CRTAC1: variants seen among roughly 807,000 people sequenced by gnomAD.
The protein encoded by CRTAC1 is cartilage acidic protein 1, also known as acidic secreted protein in cartilage.
In CRTAC1, 37 loss-of-function variants were observed where a neutral mutation model predicts 67.8. That is an observed-to-expected ratio of 0.55 (90% CI 0.42 to 0.72). The LOEUF (loss-of-function observed/expected upper bound fraction) is 0.72, where lower values mean the gene tolerates loss of function less well. Among genes scored for constraint, CRTAC1 ranks in the 30% least tolerant of loss-of-function variants. CRTAC1 has a pLI of 0.00. For missense variants in CRTAC1, 780 were observed against 931.6 expected (o/e 0.84, Z 2.12); for synonymous variants, 348 against 371.0 (o/e 0.94, Z 0.71).
At position 97,879,658 on chromosome 10, in the gene CRTAC1, T is replaced by G. The variant is rs1488366934; in HGVS notation, c.1819+591A>C. 4.6e-6 allele frequency: 7 copies of G among 1,531,438 alleles called. No homozygotes were observed. The Admixed American group carries it at 1.1e-4, about 24-fold the overall frequency. 94.9% of individuals were successfully genotyped at this position (1,531,438 alleles called of 1,614,324 possible). A position where few individuals can be genotyped will look rare whatever the true frequency, so the allele number is the denominator to read the frequency against. On this transcript the variant is annotated intron_variant, in intron 14 of 14. Coordinates refer to ENST00000370597, the MANE Select transcript of CRTAC1 (RefSeq NM_018058.7). ...TTCCACAAAGGCTGTTAGTTTTGTTTTGTTTTTTCCTTTATTGATGGGATT... is the reference window on the plus strand; with the variant it reads ...TTCCACAAAGGCTGTTAGTTTTGTTGTGTTTTTTCCTTTATTGATGGGATT...
chr10:97,920,494 A>G (rs11189432), intron 4 of CRTAC1, among the ~76,000 whole-genome samples: 11,012 of 151,852 alleles, frequency 0.073, 508 homozygotes, highest in African/African-American at 0.12. Context: ...GGGCTTGTTA[A>G]AACACAGATT....
chr10:98,022,931 C>A (rs1215811271), intron 1 of CRTAC1, among the ~76,000 whole-genome samples: 4 of 152,056 alleles, frequency 2.6e-5, no homozygotes, highest in Non-Finnish European at 5.9e-5. Flanking sequence ...CTTTTCCAGG[C>A]CTAATAGTTT....
rs578127811 is a variant in CRTAC1 at position 97,894,606 on chromosome 10, C to A, written c.1486+639G>T. Among the ~76,000 whole-genome samples, 12 of 149,042 alleles carry A rather than the reference C, an allele frequency of 8.1e-5. No individual in the cohort carries two copies. In the East Asian group the frequency reaches 2.4e-3, roughly 30 times the overall value. The stretch of plus-strand genomic sequence containing the variant: ...AGAGATGAGGTTTCGCCATGTTGCC[C>A]AGGCTAGTCTCGAACTCTTGAGCTC... On this transcript the variant is annotated intron_variant, in intron 11 of 14. Transcript: ENST00000370597.
chr10:97,971,009 GA>G (rs1301095514), intron 2 of CRTAC1, among the ~76,000 whole-genome samples: 4 of 152,230 alleles, frequency 2.6e-5, no homozygotes, highest in Admixed American at 2.6e-4. Flanking sequence ...CATTAGGAAT[GA>G]TCAAAGAAGT....
intron 2 of CRTAC1, among the ~76,000 whole-genome samples, chr10:98,001,244 C>A (rs1328645709): frequency 6.6e-6 from 1 of 151,878 alleles, no homozygotes; most frequent in Non-Finnish European, 1.5e-5. Context: ...TATTAATAGG[C>A]CAAGCAGAAA....
chr10:97,867,953 G>C (rs552236524), intron 14 of CRTAC1: 1 of 152,270 alleles, frequency 6.6e-6, no homozygotes. Context: ...AGCCTTGGGT[G>C]GGGGAACAGG....
chr10:97,915,725 G>A (rs1034652230), intron 5 of CRTAC1, among the ~76,000 whole-genome samples: 11 of 152,270 alleles, frequency 7.2e-5, no homozygotes, highest in Non-Finnish European at 1.5e-4. Flanking sequence ...GGGGCTTGGC[G>A]GGCAGGGAAA....
At chr10:98,013,815 G>T (rs1842951362) in intron 1 of CRTAC1, among the ~76,000 whole-genome samples, 1 of 152,200 alleles carries the variant, frequency 6.6e-6, no homozygotes, top group Admixed American at 6.5e-5. Flanking sequence ...TTTCAGCAGG[G>T]TTCTACAGTA....
chr10:97,969,992 G>A (rs1044510503), intron 2 of CRTAC1, among the ~76,000 whole-genome samples: 6 of 152,140 alleles, frequency 3.9e-5, no homozygotes, highest in Non-Finnish European at 8.8e-5. Flanking sequence ...GCTCTTGAAT[G>A]TTTAATAGAT....
rs929506583 is a variant in CRTAC1 at position 98,029,135 on chromosome 10, T to A, written c.24+1314A>T. 1.3e-5 allele frequency among the ~76,000 whole-genome samples: 2 copies of A among 152,098 alleles called. No homozygotes were observed. The highest frequency in any genetic ancestry group is 4.8e-5 in the African/African-American group (2 of 41,408). On this transcript the variant is annotated intron_variant, in intron 1 of 14. Coordinates refer to ENST00000370597, the MANE Select transcript of CRTAC1 (RefSeq NM_018058.7). This position sits in a 1 kb window ranked among gnomAD's most constrained non-coding sequence, Gnocchi z 4.7. ...AACCATGCTGGAACAGCCACCATGTTCCCACTTTTCCAGCCTCCACCTCTC... is the reference window on the plus strand; with the variant it reads ...AACCATGCTGGAACAGCCACCATGTACCCACTTTTCCAGCCTCCACCTCTC...
intron 2 of CRTAC1, among the ~76,000 whole-genome samples, chr10:97,959,960 C>A (rs868694802): frequency 6.6e-6 from 1 of 152,212 alleles, no homozygotes; most frequent in Non-Finnish European, 1.5e-5. Flanking sequence ...GACTCAGTGC[C>A]CAGGGTTTTT....
At chr10:98,008,393 A>C in intron 2 of CRTAC1, among the ~76,000 whole-genome samples, 1 of 131,520 alleles carries the variant, frequency 7.6e-6, no homozygotes, top group Non-Finnish European at 1.6e-5. Flanking sequence ...TCCATCTGGA[A>C]CCATGGGAAA....
chr10:97,908,232 G>A, intron 5 of CRTAC1, 85 bp from the exon 6 acceptor site: 2 of 1,461,822 alleles, frequency 1.4e-6, no homozygotes, highest in Non-Finnish European at 1.9e-6. Flanking sequence ...AGGCCTGAGG[G>A]GAACTGCAGC....
intron 14 of CRTAC1, chr10:97,878,442 G>T: frequency 3.0e-6 from 1 of 336,198 alleles, no homozygotes; most frequent in Non-Finnish European, 4.8e-6. Context: ...ATCAGAAAAT[G>T]GCAGGGGCTT....
chr10:98,024,645 C>T (rs1342769282), intron 1 of CRTAC1, among the ~76,000 whole-genome samples: 1 of 150,024 alleles, frequency 6.7e-6, no homozygotes, highest in African/African-American at 2.4e-5. Context: ...CTTACAAAGT[C>T]AACATGATTT....
At chr10:97,995,892 G>T (rs577890838) in intron 2 of CRTAC1, among the ~76,000 whole-genome samples, 17 of 152,212 alleles carry the variant, frequency 1.1e-4, no homozygotes, top group African/African-American at 4.1e-4. Context: ...CAGGCACAGT[G>T]GCTCACATCT....
intron 5 of CRTAC1, among the ~76,000 whole-genome samples, chr10:97,913,039 C>T (rs2136581689): frequency 6.6e-6 from 1 of 152,214 alleles, no homozygotes; most frequent in Admixed American, 6.5e-5. Flanking sequence ...CCATGATTCG[C>T]AGGCTGCCAA....
intron 2 of CRTAC1, among the ~76,000 whole-genome samples, chr10:97,952,331 G>A (rs1010766755): frequency 6.6e-6 from 1 of 150,934 alleles, no homozygotes; most frequent in Admixed American, 6.6e-5. Context: ...CAGCCTGGGC[G>A]ACAGAGTGAG....
rs1328215501 is a variant in CRTAC1 at position 97,963,988 on chromosome 10, T to G, written c.225-27622A>C. On this transcript the variant is annotated intron_variant, in intron 2 of 14. Coordinates refer to ENST00000370597, the MANE Select transcript of CRTAC1 (RefSeq NM_018058.7). ...TGTATGTCCTTTCAAAATTAGATCT[T>G]GATATGCTTTCTACACTCGCCCCAC... Among the ~76,000 whole-genome samples, 3 of 152,308 alleles carry G rather than the reference T, an allele frequency of 2.0e-5. No individual in the cohort carries two copies. The East Asian group carries it at 5.8e-4, about 29-fold the overall frequency.
Sources: allele counts gnomAD v4.1 joint callset (sites outside exome capture counted in the v4.1 genomes callset), GRCh38; gene constraint gnomAD v4.1.1; non-coding constraint Gnocchi (gnomAD v3.1); transcripts MANE v1.5; gene names NCBI Gene and HGNC (gene_info 2026-07-23, HGNC 2026-07-21).